The following PTPRK variants were observed in gnomAD, a reference collection of about 807,000 sequenced individuals.
PTPRK encodes protein tyrosine phosphatase receptor type K.
Under a neutral mutation model 178.0 loss-of-function variants are expected in PTPRK, and 75 were observed. That is an observed-to-expected ratio of 0.42 (90% CI 0.35 to 0.51). PTPRK has a LOEUF of 0.51. PTPRK is among the 20% of genes least tolerant of loss of function. The pLI, the probability that PTPRK is intolerant of heterozygous loss-of-function variation, is 0.02. For synonymous variants in PTPRK, 637 were observed against 620.6 expected (o/e 1.03, Z -0.39); for missense variants, 1,441 against 1,797.8 (o/e 0.80, Z 3.59).
chr6:128,266,111 G>A (rs1818906042), intron 3 of PTPRK, among the ~76,000 whole-genome samples: 1 of 152,046 alleles, frequency 6.6e-6, no homozygotes, highest in African/African-American at 2.4e-5. Context: ...CCAGTTTATG[G>A]CATTTTGCTA....
intron 1 of PTPRK, among the ~76,000 whole-genome samples, chr6:128,438,823 T>C (rs1845934028): frequency 6.6e-6 from 1 of 152,274 alleles, no homozygotes; most frequent in East Asian, 1.9e-4. Flanking sequence ...ATGGGCAGCA[T>C]TTACAGAGAG....
intron 3 of PTPRK, among the ~76,000 whole-genome samples, chr6:128,245,339 G>A (rs1180254729): frequency 5.3e-5 from 8 of 152,246 alleles, no homozygotes; most frequent in Non-Finnish European, 2.9e-5. Flanking sequence ...AAAATGTTAA[G>A]TAAATTTTAA....
intron 7 of PTPRK, among the ~76,000 whole-genome samples, chr6:128,091,573 T>C (rs903794376): frequency 8.5e-5 from 13 of 152,204 alleles, no homozygotes; most frequent in Non-Finnish European, 1.3e-4. Flanking sequence ...CCATATCTTG[T>C]TCTAAAATTA....
Position 128,177,006 on chromosome 6 carries a change from A to G in PTPRK, c.1162+7426T>C, listed in dbSNP as rs577704766. ...CAAAGAAAGGAAATCACAATTCAACAAAAGATATGAATAGGGTGTGAGAAT... is the reference window on the plus strand; with the variant it reads ...CAAAGAAAGGAAATCACAATTCAACGAAAGATATGAATAGGGTGTGAGAAT... On this transcript the variant is annotated intron_variant, in intron 7 of 29. Coordinates refer to ENST00000368226, the MANE Select transcript of PTPRK (RefSeq NM_002844.4). Among the ~76,000 whole-genome samples the G allele has an allele frequency of 1.5e-4, 23 of 151,834 alleles. No individual in the cohort carries two copies. The East Asian group carries it at 4.3e-3, about 28-fold the overall frequency.
intron 1 of PTPRK, among the ~76,000 whole-genome samples, chr6:128,464,705 C>T (rs2128414843): frequency 7.7e-6 from 1 of 129,924 alleles, no homozygotes; most frequent in South Asian, 2.5e-4. Flanking sequence ...AGCTCCAGCA[C>T]ATTCCCCCGT....
At chr6:128,516,948 T>TA (rs547431919) in intron 1 of PTPRK, among the ~76,000 whole-genome samples, 23 of 151,690 alleles carry the variant, frequency 1.5e-4, no homozygotes, top group African/African-American at 5.3e-4. Context: ...CGAGGTAAGT[T>TA]AAAAAAATTA....
chr6:127,973,139 A>G lies in PTPRK; in HGVS notation c.4152T>C (p.Ser1384=), dbSNP rs1774131391. The change falls in exon 29 of 30, where the codon AGT becomes AGC. Residue 1384 remains serine, a synonymous_variant. Transcript: ENST00000368226. ...IIHCLNGGGR[S]GMFCAIGIVV... is the part of the protein sequence containing the mutation. ...CGATGCCTATAGCACAGAACATGCC[A>G]CTTCGCCCGCCACCATTTCTGAAAG... 6.2e-7 allele frequency: 1 copy of G among 1,611,214 alleles called. No homozygotes were observed. The highest frequency in any genetic ancestry group is 8.5e-7 in the Non-Finnish European group (1 of 1,178,868).
chr6:128,272,580 T>G (rs146939967), intron 3 of PTPRK, among the ~76,000 whole-genome samples: 1 of 152,284 alleles, frequency 6.6e-6, no homozygotes, highest in East Asian at 1.9e-4. Flanking sequence ...AAAGAAGACA[T>G]TTATGCAGCC....
At chr6:128,207,908 A>C (rs1326451184) in intron 6 of PTPRK, among the ~76,000 whole-genome samples, 1 of 152,118 alleles carries the variant, frequency 6.6e-6, no homozygotes, top group African/African-American at 2.4e-5. Flanking sequence ...AAAGGTTTTA[A>C]TTCAGCTCCA....
intron 7 of PTPRK, among the ~76,000 whole-genome samples, chr6:128,098,150 G>T (rs574051168): frequency 1.1e-4 from 17 of 152,096 alleles, no homozygotes; most frequent in Admixed American, 4.6e-4. Flanking sequence ...AATAAAGCAG[G>T]TAGTTTCAAT....
intron 6 of PTPRK, among the ~76,000 whole-genome samples, chr6:128,205,818 A>C (rs541060031): frequency 4.6e-5 from 7 of 151,336 alleles, no homozygotes; most frequent in African/African-American, 1.7e-4. Flanking sequence ...CAAGTTAAAA[A>C]ATATAAGAGT....
intron 1 of PTPRK, among the ~76,000 whole-genome samples, chr6:128,477,101 T>C (rs1851465393): frequency 6.6e-6 from 1 of 152,040 alleles, no homozygotes; most frequent in Non-Finnish European, 1.5e-5. Flanking sequence ...GGTGTGAAAT[T>C]ACCCTGAACT....
In PTPRK at chr6:128,374,094, G is replaced by A. The variant is rs369143157; in HGVS notation, c.223+23472C>T. ...GATAAAGACAGAAAGGTAAACAGACGTTTAATCATTCTACCCTAAGTTCAC... is the reference window on the plus strand; with the variant it reads ...GATAAAGACAGAAAGGTAAACAGACATTTAATCATTCTACCCTAAGTTCAC... On this transcript the variant is annotated intron_variant, in intron 2 of 29. Transcript: ENST00000368226. Among the ~76,000 whole-genome samples, 79 of 152,096 alleles carry A rather than the reference G, an allele frequency of 5.2e-4. 2 individuals are homozygous for A. In the South Asian group the frequency reaches 0.016, roughly 30 times the overall value.
intron 13 of PTPRK, among the ~76,000 whole-genome samples, chr6:128,030,342 T>A (rs892972736): frequency 3.3e-5 from 5 of 152,072 alleles, no homozygotes; most frequent in Non-Finnish European, 5.9e-5. Context: ...GACAACATAC[T>A]CCGCTCTTTA....
chr6:128,090,737 G>A (rs1417400403), intron 7 of PTPRK, among the ~76,000 whole-genome samples: 1 of 152,096 alleles, frequency 6.6e-6, no homozygotes, highest in Non-Finnish European at 1.5e-5. Context: ...CTTCCCAAGT[G>A]TATTCTTTCC....
intron 3 of PTPRK, among the ~76,000 whole-genome samples, chr6:128,300,946 A>G (rs1442079728): frequency 6.7e-6 from 1 of 150,326 alleles, no homozygotes; most frequent in Admixed American, 6.7e-5. Flanking sequence ...ACACTGCTCT[A>G]TCTTCTTTCC....
intron 5 of PTPRK, among the ~76,000 whole-genome samples, chr6:128,224,577 G>C (rs1220777893): frequency 1.3e-5 from 2 of 152,126 alleles, no homozygotes; most frequent in Non-Finnish European, 2.9e-5. Context: ...TAGATATATT[G>C]TATCAAAATC....
At chr6:128,436,409 T>C (rs796946575) in intron 1 of PTPRK, among the ~76,000 whole-genome samples, 27 of 152,342 alleles carry the variant, frequency 1.8e-4, no homozygotes, top group African/African-American at 6.3e-4. Flanking sequence ...ATATAGTTTC[T>C]AAAGACAATT....
chr6:128,358,343 C>T (rs1352574498), intron 2 of PTPRK, among the ~76,000 whole-genome samples: 1 of 152,194 alleles, frequency 6.6e-6, no homozygotes, highest in Non-Finnish European at 1.5e-5. Context: ...CATACAGACC[C>T]TTGCTTTCAG....
Sources: gnomAD v4.1 joint callset for allele counts (sites outside exome capture counted in the v4.1 genomes callset) on GRCh38, gnomAD v4.1.1 for gene constraint, MANE v1.5 for transcripts, NCBI Gene and HGNC (gene_info 2026-07-23, HGNC 2026-07-21) for gene names.